Variants in LRPPRC observed in about 807,000 individuals in gnomAD.
LRPPRC encodes leucine rich pentatricopeptide repeat containing, also known as leucine-rich PPR motif-containing protein, mitochondrial.
A neutral mutation model predicts 180.3 loss-of-function variants in LRPPRC; 120 were observed. The observed-to-expected ratio is 0.67, with a 90% confidence interval of 0.57 to 0.77. The LOEUF is 0.77. LRPPRC is among the 30% of genes least tolerant of loss of function. The pLI is 0.00. For missense variants in LRPPRC, 2,012 were observed against 1,657.2 expected (o/e 1.21, Z -3.72); for synonymous variants, 723 against 600.0 (o/e 1.21, Z -3.00).
intron 1 of LRPPRC, among the ~76,000 whole-genome samples, chr2:43,994,521 C>T (rs569371934): frequency 8.5e-4 from 129 of 152,130 alleles, no homozygotes; most frequent in Non-Finnish European, 1.6e-3. Context: ...AAGCTGAGGC[C>T]TGGAGATGTT....
chr2:43,908,625 C>T (rs888319091), intron 30 of LRPPRC, among the ~76,000 whole-genome samples: 1 of 110,836 alleles, frequency 9.0e-6, no homozygotes, highest in Non-Finnish European at 1.7e-5. Context: ...GGGTTCAAGC[C>T]GTTCTCCTGC....
chr2:43,978,153 C>G (rs377098703), intron 3 of LRPPRC, among the ~76,000 whole-genome samples: 3 of 152,224 alleles, frequency 2.0e-5, no homozygotes, highest in South Asian at 2.1e-4. Flanking sequence ...TATTATCAGC[C>G]CCATCTTACA....
intron 23 of LRPPRC, among the ~76,000 whole-genome samples, chr2:43,939,992 GAA>G (rs1475757931): frequency 6.6e-6 from 1 of 152,128 alleles, no homozygotes; most frequent in African/African-American, 2.4e-5. Flanking sequence ...GACAGAGGCA[GAA>G]AAAACCCTAC....
At position 43,906,718 on chromosome 2, in the gene LRPPRC, T is replaced by C. The variant is rs116426032; in HGVS notation, c.3276-938A>G. On this transcript the variant is annotated intron_variant, in intron 30 of 37. Coordinates refer to ENST00000260665, the MANE Select transcript of LRPPRC (RefSeq NM_133259.4). ...AACACGGACATATAAGCTGGGCAGA[T>C]TGCAACAAAAGTGGGGTCACTGCTA... 5.1e-3 allele frequency among the ~76,000 whole-genome samples: 771 copies of C among 152,304 alleles called. 2 individuals are homozygous for C. The highest frequency in any genetic ancestry group is 0.011 in the East Asian group (56 of 5,180).
chr2:43,963,515 T>C, intron 12 of LRPPRC, 73 bp downstream of exon 12: 1 of 948,422 alleles, frequency 1.1e-6, no homozygotes, highest in East Asian at 2.4e-5. Context: ...GACTTTTTTG[T>C]GTGTCAACAC....
chr2:43,934,155 G>T, intron 25 of LRPPRC, 35 bp downstream of exon 25: 1 of 1,160,020 alleles, frequency 8.6e-7, no homozygotes, highest in Non-Finnish European at 1.3e-6. Flanking sequence ...AGTCTAAATA[G>T]CTCTACAATT....
At chr2:43,888,791 C>T in intron 37 of LRPPRC, 135 bp from the exon 38 acceptor site, 2 of 656,942 alleles carry the variant, frequency 3.0e-6, no homozygotes, top group Non-Finnish European at 2.8e-6. Context: ...CCTCAAGCTT[C>T]AGTACTCCTT....
rs930253847 is a variant in LRPPRC, at chr2:43,989,608, G to A, written c.149+6191C>T. 3.9e-5 allele frequency among the ~76,000 whole-genome samples: 6 copies of A among 152,208 alleles called. No homozygotes were observed. In the South Asian group the frequency reaches 1.0e-3, roughly 26 times the overall value. ...ATATTGCCTTTTAAAAAATGTTTTT[G>A]TCCATAAGTAATCCCTTCACCATCT... is the stretch of plus-strand genomic sequence containing the variant. On this transcript the variant is annotated intron_variant, in intron 1 of 37. Transcript: ENST00000260665.
chr2:43,894,386 T>G (rs1269835238), intron 36 of LRPPRC, among the ~76,000 whole-genome samples, 159 bp downstream of exon 36: 1 of 152,226 alleles, frequency 6.6e-6, no homozygotes, highest in Non-Finnish European at 1.5e-5. Context: ...ATTCCAGAAC[T>G]GAGTTATTTA....
intron 1 of LRPPRC, among the ~76,000 whole-genome samples, chr2:43,988,482 G>C (rs1385206799): frequency 1.3e-5 from 2 of 152,182 alleles, no homozygotes; most frequent in Non-Finnish European, 2.9e-5. Context: ...GTTGCAGTGA[G>C]CCGAGATCAC....
intron 1 of LRPPRC, among the ~76,000 whole-genome samples, chr2:43,994,279 C>T (rs1674918647): frequency 6.6e-6 from 1 of 152,192 alleles, no homozygotes; most frequent in Non-Finnish European, 1.5e-5. Context: ...ACGCTCCATT[C>T]CAAAGATTAT....
intron 36 of LRPPRC, chr2:43,892,807 T>TA (rs879611988): frequency 0.01 from 1,471 of 143,910 alleles, 10 homozygotes; most frequent in Non-Finnish European, 0.013. Context: ...AACATAAAAT[T>TA]AAAAAAAAAA....
chr2:43,926,487 C>A (rs1671883704), intron 25 of LRPPRC, among the ~76,000 whole-genome samples: 1 of 152,150 alleles, frequency 6.6e-6, no homozygotes, highest in African/African-American at 2.4e-5. Context: ...CCTGCCTCAG[C>A]CTCCCAAGTA....
intron 36 of LRPPRC, among the ~76,000 whole-genome samples, chr2:43,890,519 C>G (rs1273755988): frequency 6.6e-6 from 1 of 152,196 alleles, no homozygotes; most frequent in Non-Finnish European, 1.5e-5. Context: ...CGAGACCATC[C>G]TGGCTAACAT....
At chr2:43,982,563 G>A (rs1377418406) in intron 1 of LRPPRC, 129 bp from the exon 2 acceptor site, 1 of 691,706 alleles carries the variant, frequency 1.4e-6, no homozygotes, top group African/African-American at 1.8e-5. Flanking sequence ...CAAAAATAGA[G>A]GTATGAACTA....
intron 11 of LRPPRC, among the ~76,000 whole-genome samples, chr2:43,969,334 C>T (rs1287536926): frequency 6.6e-6 from 1 of 151,754 alleles, no homozygotes; most frequent in Non-Finnish European, 1.5e-5. Flanking sequence ...ATGGCGTGAA[C>T]CCAGGAGGCA....
chr2:43,961,154 A>T (rs1240940628), intron 12 of LRPPRC, among the ~76,000 whole-genome samples: 3 of 152,204 alleles, frequency 2.0e-5, no homozygotes, highest in African/African-American at 7.2e-5. Context: ...ATTATGGCAT[A>T]CCCATACAAT....
chr2:43,901,575 T>G (rs1463311792), intron 31 of LRPPRC, 51 bp from the exon 32 acceptor site: 2 of 1,182,280 alleles, frequency 1.7e-6, no homozygotes, highest in Admixed American at 3.5e-5. Flanking sequence ...TGTGCTGACT[T>G]TAATGCATTT....
rs756652618 is a variant in LRPPRC at position 43,889,881 on chromosome 2, CAT to C, written c.3986-7_3986-6del. 1.3e-6 allele frequency: 2 copies of C among 1,598,622 alleles called. No homozygotes were observed. The highest frequency in any genetic ancestry group is 1.7e-6 in the Non-Finnish European group (2 of 1,166,240). On this transcript the variant is annotated splice_region_variant and splice_polypyrimidine_tract_variant and intron_variant, in intron 36 of 37. Coordinates refer to ENST00000260665, the MANE Select transcript of LRPPRC (RefSeq NM_133259.4). ...ATGTGACATCTTTCTCTGAGACTGACATAAAGAAAAAAATATATTAATCAGAG... is the reference window on the plus strand; with the variant it reads ...ATGTGACATCTTTCTCTGAGACTGACAAAGAAAAAAATATATTAATCAGAG...
Sources: gnomAD v4.1 joint callset for allele counts (sites outside exome capture counted in the v4.1 genomes callset) on GRCh38, gnomAD v4.1.1 for gene constraint, MANE v1.5 for transcripts, NCBI Gene and HGNC (gene_info 2026-07-23, HGNC 2026-07-21) for gene names.